MATR3: variants seen among roughly 807,000 people sequenced by gnomAD.
MATR3 encodes matrin 3.
Under a neutral mutation model 85.5 loss-of-function variants are expected in MATR3, and 4 were observed. The observed-to-expected ratio is 0.05, with a 90% CI of 0.02 to 0.11. MATR3 has a LOEUF of 0.11. Ranked by LOEUF, MATR3 falls within the 10% of genes least tolerant of loss-of-function variation. MATR3 has a pLI of 1.00. For missense variants in MATR3, 685 were observed against 1,016.1 expected (o/e 0.67, Z 4.43); for synonymous variants, 336 against 343.1 (o/e 0.98, Z 0.23).
At chr5:139,314,576 A>G (rs1373563820) in intron 2 of MATR3, 99 bp from the exon 3 acceptor site, 11 of 923,734 alleles carry the variant, frequency 1.2e-5, no homozygotes, top group Admixed American at 7.5e-5. Flanking sequence ...TGTACAGCCT[A>G]TGATACTGCA....
At chr5:139,317,921 T>C (rs953971161) in intron 7 of MATR3, among the ~76,000 whole-genome samples, 200 bp downstream of exon 7, 1 of 152,176 alleles carries the variant, frequency 6.6e-6, no homozygotes, top group Non-Finnish European at 1.5e-5. Context: ...TAAATTATGA[T>C]CCTTAGGTAG....
intron 1 of MATR3, chr5:139,294,207 C>G (rs1212443967): frequency 2.0e-6 from 1 of 497,684 alleles, no homozygotes; most frequent in Non-Finnish European, 3.2e-6. Context: ...GAGGGAGGAG[C>G]TCGCTCGAGG....
rs568183448 is a variant in MATR3 at position 139,298,198 on chromosome 5, A to G, written c.-178+4393A>G. The stretch of plus-strand genomic sequence containing the variant: ...CGTCCCTCTTAACACACGGGAACCT[A>G]TACCATATGTGAAAATTAAAAGTCA... On this transcript the variant is annotated intron_variant, in intron 1 of 14. Coordinates refer to ENST00000394805, the MANE Select transcript of MATR3 (RefSeq NM_018834.6). Among the ~76,000 whole-genome samples the G allele has an allele frequency of 1.2e-4, 19 of 152,342 alleles. No individual in the cohort carries two copies. The South Asian group carries it at 3.1e-3, about 25-fold the overall frequency.
chr5:139,325,507 A>G lies in MATR3; in HGVS notation c.2216A>G (p.Glu739Gly). The change falls in exon 13 of 15, where the codon GAA (glutamate) becomes GGA (glycine). Residue 739 changes from glutamate (E) to glycine (G), a missense_variant. By Grantham distance (98) the Glu-to-Gly change is moderately conservative. Around this residue, in one of 9 missense-constraint regions of MATR3, gnomAD observed 215 missense variants for 194.7 expected, o/e 1.10. Transcript: ENST00000394805. ...TTGGAAAATGGAATTAAAAATGAGG[A>G]AAACACAGAACCAGGTGCTGAATCT... ...AALENGIKNEENTEPGAESSE... is the reference protein window; with the variant it reads ...AALENGIKNEGNTEPGAESSE... 6.2e-7 allele frequency: 1 copy of G among 1,614,238 alleles called. No homozygotes were observed. The highest frequency in any genetic ancestry group is 8.5e-7 in the Non-Finnish European group (1 of 1,180,032).
intron 2 of MATR3, chr5:139,310,126 C>G (rs1329469468): frequency 6.6e-6 from 1 of 152,104 alleles, no homozygotes; most frequent in Non-Finnish European, 1.5e-5. Flanking sequence ...TTGCTACTTT[C>G]TAGTTCCTGA....
intron 3 of MATR3, 73 bp downstream of exon 3, chr5:139,314,809 C>T (rs372201181): frequency 7.4e-7 from 1 of 1,348,934 alleles, no homozygotes; most frequent in Non-Finnish European, 1.1e-6. Flanking sequence ...TTTGGGAGTT[C>T]ATCATTTACT....
At chr5:139,317,505 A>T in intron 6 of MATR3, 91 bp from the exon 7 acceptor site, 1 of 1,249,082 alleles carries the variant, frequency 8.0e-7, no homozygotes, top group Non-Finnish European at 1.2e-6. Flanking sequence ...TCTCCTGGTT[A>T]ATTATAGATT....
upstream of MATR3, among the ~76,000 whole-genome samples, chr5:139,291,815 A>G (rs999872025): frequency 1.3e-5 from 2 of 152,152 alleles, no homozygotes; most frequent in Non-Finnish European, 2.9e-5. Context: ...CTGGGATTAC[A>G]GGCATGAGTC....
At chr5:139,315,053 T>A (rs1460613881) in intron 3 of MATR3, 1 of 270,732 alleles carries the variant, frequency 3.7e-6, no homozygotes, top group East Asian at 8.1e-5. Context: ...GTAGCATTTT[T>A]AATAATACAT....
At chr5:139,285,099 G>A (rs1274025899) in intron 3 of MATR3, 1 of 152,210 alleles carries the variant, frequency 6.6e-6, no homozygotes, top group Non-Finnish European at 1.5e-5. Flanking sequence ...CAAAAGTACT[G>A]TTTGGTTTAG....
intron 9 of MATR3, 197 bp from the exon 10 acceptor site, chr5:139,321,701 T>TG (rs1029557451): frequency 3.4e-6 from 2 of 592,174 alleles, no homozygotes; most frequent in African/African-American, 3.7e-5. Context: ...GAGGATCAGT[T>TG]GGGCCCAGTA....
At chr5:139,281,011 G>GTT (rs1753499096) in intron 3 of MATR3, among the ~76,000 whole-genome samples, 1 of 149,040 alleles carries the variant, frequency 6.7e-6, no homozygotes, top group African/African-American at 2.5e-5. Context: ...AAGAAGATTA[G>GTT]TTTTTAAAAT....
chr5:139,315,828 T>C, intron 4 of MATR3, 90 bp downstream of exon 4: 1 of 1,128,980 alleles, frequency 8.9e-7, no homozygotes, highest in Non-Finnish European at 1.3e-6. Context: ...ACAAAGTATT[T>C]TCAGAATTTC....
chr5:139,290,981 T>C (rs1242690443), upstream of MATR3, among the ~76,000 whole-genome samples: 1 of 152,144 alleles, frequency 6.6e-6, no homozygotes, highest in Non-Finnish European at 1.5e-5. Flanking sequence ...GGCCCTTTCC[T>C]ACATCTCCAG....
At chr5:139,318,681 G>A (rs952046391) in intron 7 of MATR3, among the ~76,000 whole-genome samples, 2 of 152,236 alleles carry the variant, frequency 1.3e-5, no homozygotes, top group South Asian at 4.1e-4. Context: ...TTTCAACCTC[G>A]TGATCCGCCT....
Position 139,308,053 on chromosome 5 carries a change from A to T in MATR3, c.638A>T (p.Tyr213Phe). ...GGAAGTCGTTCTCAAGAATCTGGTT[A>T]TTATGACAGAATGGATTATGAAGAT... is the stretch of plus-strand genomic sequence containing the variant. ...DHGSRSQESG[Y>F]YDRMDYEDDR... The change falls in exon 2 of 15, where the codon TAT (tyrosine) becomes TTT (phenylalanine). Residue 213 changes from tyrosine to phenylalanine, a missense_variant. This residue lies in a region of MATR3 where 223 missense variants were observed against 334.4 expected (regional missense o/e 0.67). Transcript: ENST00000394805. The T allele has an allele frequency of 6.2e-7, 1 of 1,614,212 alleles. No homozygotes were observed. Among genetic ancestry groups the T allele is most frequent in the Non-Finnish European group, 8.5e-7 (1 of 1,180,044 alleles).
At chr5:139,295,147 A>G (rs538784117) in intron 1 of MATR3, 3 of 152,240 alleles carry the variant, frequency 2.0e-5, no homozygotes, top group Non-Finnish European at 4.4e-5. Flanking sequence ...GGCTATTTTA[A>G]TAAATGTTTA....
chr5:139,320,771 A>G (rs1430898839), intron 9 of MATR3, among the ~76,000 whole-genome samples: 5 of 119,128 alleles, frequency 4.2e-5, no homozygotes, highest in Non-Finnish European at 6.4e-5. Flanking sequence ...TTTTTGAGAC[A>G]GAGTCTCGCT....
chr5:139,325,256 C>T, intron 12 of MATR3, 184 bp from the exon 13 acceptor site: 12 of 1,548,414 alleles, frequency 7.7e-6, no homozygotes, highest in Non-Finnish European at 1.0e-5. Context: ...AGGGATGCTG[C>T]AGGATAATTG....
Sources: allele counts gnomAD v4.1 joint callset (sites outside exome capture counted in the v4.1 genomes callset), GRCh38; gene constraint gnomAD v4.1.1; regional missense constraint gnomAD v4.1.1; transcripts MANE v1.5; gene names NCBI Gene and HGNC (gene_info 2026-07-23, HGNC 2026-07-21).